Variants in CPT1A observed in about 807,000 individuals in gnomAD.
The protein encoded by CPT1A is carnitine palmitoyltransferase 1A.
In CPT1A, 64 loss-of-function variants were observed where a neutral mutation model predicts 100.8. The observed-to-expected ratio is 0.63, with a 90% CI of 0.52 to 0.78. The LOEUF (loss-of-function observed/expected upper bound fraction) is 0.78, where lower values mean the gene tolerates loss of function less well. CPT1A is among the 30% of genes least tolerant of loss of function. CPT1A has a pLI of 0.00. For missense variants in CPT1A, 802 were observed against 1,034.1 expected (o/e 0.78, Z 3.08); for synonymous variants, 363 against 396.0 (o/e 0.92, Z 0.99).
rs201996551 is a variant in CPT1A, at chr11:68,793,304, G to A, written c.967+11C>T. 1 of 1,603,298 alleles carries A rather than the reference G, an allele frequency of 6.2e-7. No homozygotes were observed. Among genetic ancestry groups the A allele is most frequent in the Non-Finnish European group, 8.5e-7 (1 of 1,173,070 alleles). On this transcript the variant is annotated intron_variant, in intron 9 of 18. Coordinates refer to ENST00000265641, the MANE Select transcript of CPT1A (RefSeq NM_001876.4). ...CGATTCTCCAGGGGGCCCTGAAGAAGCTTGACTCACCTGTCTCCTCTCCTG... is the reference window on the plus strand; with the variant it reads ...CGATTCTCCAGGGGGCCCTGAAGAAACTTGACTCACCTGTCTCCTCTCCTG...
chr11:68,782,670 C>T (rs952320435), intron 10 of CPT1A, among the ~76,000 whole-genome samples: 2 of 152,216 alleles, frequency 1.3e-5, no homozygotes, highest in Non-Finnish European at 2.9e-5. Context: ...CTCACTCCAG[C>T]TCCTCCAGGA....
chr11:68,823,094 A>G (rs1343899080), intron 1 of CPT1A, among the ~76,000 whole-genome samples: 1 of 152,040 alleles, frequency 6.6e-6, no homozygotes, highest in Non-Finnish European at 1.5e-5. Flanking sequence ...TGCAAAAACT[A>G]CAAAAATTAG....
chr11:68,769,466 GT>G (rs1474490933), intron 14 of CPT1A, among the ~76,000 whole-genome samples: 26 of 149,766 alleles, frequency 1.7e-4, no homozygotes, highest in African/African-American at 6.4e-4. Flanking sequence ...GCCCAGTCTG[GT>G]CTCAAACTCC....
At chr11:68,799,801 T>C (rs1855855906) in intron 5 of CPT1A, among the ~76,000 whole-genome samples, 1 of 152,066 alleles carries the variant, frequency 6.6e-6, no homozygotes, top group East Asian at 1.9e-4. Context: ...AAGTTGGTCT[T>C]GGCAGTCCTT....
chr11:68,787,237 C>A (rs1456541321), intron 9 of CPT1A, among the ~76,000 whole-genome samples: 1 of 151,410 alleles, frequency 6.6e-6, no homozygotes, highest in East Asian at 2.0e-4. Context: ...GAGATCAAGA[C>A]CATCCTAGCT....
intron 1 of CPT1A, among the ~76,000 whole-genome samples, chr11:68,824,123 C>T (rs1302565811): frequency 2.0e-5 from 3 of 151,762 alleles, no homozygotes; most frequent in Admixed American, 1.3e-4. Flanking sequence ...TGGCAGACGC[C>T]TGTAATCCCA....
In CPT1A at chr11:68,815,436, C is replaced by T. The variant is rs769239113; in HGVS notation, c.39G>A (p.Thr13=). ...GCAGGTCAATCCCGTCCGGAGTGAC[C>T]GTGAACTGAAAGGCCACAGCTTGGT... ...EAHQAVAFQF[T]VTPDGIDLRL... is the part of the protein sequence containing the mutation. Residue 13 remains threonine (T), a synonymous_variant, in exon 2 of 19, where the codon ACG becomes ACA. Coordinates refer to ENST00000265641, the MANE Select transcript of CPT1A (RefSeq NM_001876.4). The T allele has an allele frequency of 2.6e-5, 42 of 1,613,978 alleles. 1 individual carries two copies. Among genetic ancestry groups the T allele is most frequent in the South Asian group, 2.3e-4 (21 of 91,078 alleles).
intron 1 of CPT1A, among the ~76,000 whole-genome samples, chr11:68,820,402 G>C (rs919811789): frequency 2.6e-5 from 4 of 152,074 alleles, no homozygotes; most frequent in African/African-American, 9.7e-5. Flanking sequence ...AAAACTCCAG[G>C]CTTGGTGCGG....
chr11:68,807,681 A>C (rs1472536112), intron 3 of CPT1A, 43 bp from the exon 4 acceptor site: 1 of 1,599,548 alleles, frequency 6.3e-7, no homozygotes, highest in Admixed American at 1.7e-5. Flanking sequence ...GCGTGAGGCC[A>C]CACGGTGCCA....
rs539128090 is a variant in CPT1A at position 68,777,683 on chromosome 11, G to T, written c.1459-2251C>A. Among the ~76,000 whole-genome samples, 4 of 152,296 alleles carry T rather than the reference G, an allele frequency of 2.6e-5. No homozygotes were observed. The East Asian group carries it at 7.7e-4, about 29-fold the overall frequency. ...TAAAATCCCTTTATCCTTATCCAGA[G>T]AACTTTAAAAAACAAGCCTGATCTT... On this transcript the variant is annotated intron_variant, in intron 12 of 18. Coordinates refer to ENST00000265641, the MANE Select transcript of CPT1A (RefSeq NM_001876.4).
At position 68,812,559 on chromosome 11, in the gene CPT1A, G is replaced by T. The variant is rs781443576; in HGVS notation, c.159C>A (p.Gly53=). 3 of 1,613,996 alleles carry T rather than the reference G, an allele frequency of 1.9e-6. No individual in the cohort carries two copies. The highest frequency in any genetic ancestry group is 2.5e-6 in the Non-Finnish European group (3 of 1,180,030). ...FIRFKNGIIT[G]VYPASPSSWL... is the part of the protein sequence containing the mutation. ...AACTGGAGGGGCTTGCCGGGTACAC[G>T]CCAGTGATGATGCCGTTCTAAAGAC... Residue 53 remains glycine (G), a synonymous_variant, in exon 3 of 19, where the codon GGC becomes GGA. Transcript: ENST00000265641.
At chr11:68,807,419 A>C in intron 4 of CPT1A, 48 bp downstream of exon 4, 1 of 1,588,366 alleles carries the variant, frequency 6.3e-7, no homozygotes. Context: ...CTTCTTCCCA[A>C]AGCCCAAACT....
At position 68,808,717 on chromosome 11, in the gene CPT1A, A is replaced by G. The variant is rs545321600; in HGVS notation, c.282-1079T>C. 3.9e-5 allele frequency among the ~76,000 whole-genome samples: 6 copies of G among 152,090 alleles called. No individual in the cohort carries two copies. In the South Asian group the frequency reaches 6.2e-4, roughly 16 times the overall value. On this transcript the variant is annotated intron_variant, in intron 3 of 18. Transcript: ENST00000265641. ...TGTTTTAGTTTTGGTTGTTTTGGGA[A>G]CTGCAAAATATTTTTTAAATGAAAA...
intron 14 of CPT1A, among the ~76,000 whole-genome samples, chr11:68,766,926 T>C (rs1042251465): frequency 2.0e-5 from 3 of 151,670 alleles, no homozygotes; most frequent in African/African-American, 7.3e-5. Context: ...AAAGCAAGAG[T>C]TGGGAAACTT....
chr11:68,799,622 G>A (rs979778514), intron 5 of CPT1A, among the ~76,000 whole-genome samples: 2 of 152,074 alleles, frequency 1.3e-5, no homozygotes, highest in African/African-American at 4.8e-5. Context: ...GGACATGGTG[G>A]TGCATGTCTG....
At position 68,771,188 on chromosome 11, in the gene CPT1A, A is replaced by G. The variant is rs139873868; in HGVS notation, c.1740+2077T>C. On this transcript the variant is annotated intron_variant, in intron 14 of 18. Transcript: ENST00000265641. ...AACCTCTCACTTTGGTCCCTGGACCAGAGGCCTTTTCAGGTTTTCTACCTT... is the reference window on the plus strand; with the variant it reads ...AACCTCTCACTTTGGTCCCTGGACCGGAGGCCTTTTCAGGTTTTCTACCTT... Among the ~76,000 whole-genome samples, 18 of 152,360 alleles carry G rather than the reference A, an allele frequency of 1.2e-4. No homozygotes were observed. In the East Asian group the frequency reaches 2.9e-3, roughly 24 times the overall value.
intron 1 of CPT1A, among the ~76,000 whole-genome samples, chr11:68,823,974 C>T (rs773896787): frequency 9.2e-5 from 14 of 151,658 alleles, no homozygotes; most frequent in South Asian, 2.1e-4. Flanking sequence ...AGGCCGGGTG[C>T]GGTGGCTCAC....
At chr11:68,805,032 G>T (rs910648043) in intron 4 of CPT1A, among the ~76,000 whole-genome samples, 1 of 152,214 alleles carries the variant, frequency 6.6e-6, no homozygotes, top group Non-Finnish European at 1.5e-5. Flanking sequence ...CCACTGGAGG[G>T]AGTGCCCTTT....
At chr11:68,789,400 CTTTA>C (rs1855556787) in intron 9 of CPT1A, among the ~76,000 whole-genome samples, 1 of 151,588 alleles carries the variant, frequency 6.6e-6, no homozygotes, top group Non-Finnish European at 1.5e-5. Flanking sequence ...ATTTACCTTT[CTTTA>C]TTTTTTTTTT....
Sources: gnomAD v4.1 joint callset for allele counts (sites outside exome capture counted in the v4.1 genomes callset) on GRCh38, gnomAD v4.1.1 for gene constraint, MANE v1.5 for transcripts, NCBI Gene and HGNC (gene_info 2026-07-23, HGNC 2026-07-21) for gene names.